Variants in RTEL1 observed in about 807,000 individuals in gnomAD.
RTEL1 encodes regulator of telomere length.
In RTEL1, 86 loss-of-function variants were observed where a neutral mutation model predicts 162.2. That is an observed-to-expected ratio of 0.53 (90% CI 0.45 to 0.63). The LOEUF is 0.63. RTEL1 is among the 30% of genes least tolerant of loss of function. RTEL1 has a pLI of 0.00. For missense variants in RTEL1, 1,941 were observed against 1,750.2 expected (o/e 1.11, Z -1.95); for synonymous variants, 958 against 717.9 (o/e 1.33, Z -5.35).
At position 63,667,508 on chromosome 20, in the gene RTEL1, A is replaced by G. The variant is rs1335062115; in HGVS notation, c.654A>G (p.Gln218=). The G allele has an allele frequency of 5.0e-6, 8 of 1,613,912 alleles. No homozygotes were observed. Among genetic ancestry groups the G allele is most frequent in the Non-Finnish European group, 6.8e-6 (8 of 1,179,942 alleles). ...ACCTGTCCCGGAACCTGAAGCAGCA[A>G]GCCGACATCATATTCATGCCGTACA... The part of the protein sequence containing the change: ...PYYLSRNLKQ[Q]ADIIFMPYNY... Residue 218 remains glutamine (Q), a synonymous_variant, in exon 8 of 35, where the codon CAA becomes CAG. Transcript: ENST00000360203.
intron 16 of RTEL1, 120 bp downstream of exon 16, chr20:63,685,992 C>T (rs1291329286): frequency 5.5e-6 from 5 of 901,560 alleles, no homozygotes; most frequent in African/African-American, 1.6e-5. Context: ...TGGCCACCTT[C>T]TCCATATCCA....
intron 10 of RTEL1, among the ~76,000 whole-genome samples, chr20:63,674,957 G>C (rs1285380459): frequency 6.6e-6 from 1 of 151,786 alleles, no homozygotes; most frequent in Non-Finnish European, 1.5e-5. Flanking sequence ...GCCCAGGCTG[G>C]AGTGCAATGG....
At position 63,687,672 on chromosome 20, in the gene RTEL1, C is replaced by T; in HGVS notation, c.1383C>T (p.Gly461=). ...TGAGCTACTGGTGCTTCAGTCCCGGCCACAGCATGCACGAGCTGGTCCGCC... is the reference window on the plus strand; with the variant it reads ...TGAGCTACTGGTGCTTCAGTCCCGGTCACAGCATGCACGAGCTGGTCCGCC... ...KVLSYWCFSP[G]HSMHELVRQG... The change falls in exon 17 of 35, where the codon GGC becomes GGT. Residue 461 remains glycine (G), a synonymous_variant. Coordinates refer to ENST00000360203, the MANE Select transcript of RTEL1 (RefSeq NM_001283009.2). 1 of 1,609,578 alleles carries T rather than the reference C, an allele frequency of 6.2e-7. No individual in the cohort carries two copies. The highest frequency in any genetic ancestry group is 8.5e-7 in the Non-Finnish European group (1 of 1,179,504).
chr20:63,685,967 C>T (rs1568704425), intron 16 of RTEL1, 95 bp downstream of exon 16: 1 of 1,227,650 alleles, frequency 8.1e-7, no homozygotes, highest in Non-Finnish European at 1.2e-6. Flanking sequence ...CGTGGATCTC[C>T]TGCCCCCATG....
chr20:63,676,866 C>T (rs544071264), intron 10 of RTEL1, among the ~76,000 whole-genome samples: 16 of 152,132 alleles, frequency 1.1e-4, no homozygotes, highest in East Asian at 3.9e-4. Context: ...ACCCAGGAGG[C>T]GGAGGTTGCA....
intron 9 of RTEL1, among the ~76,000 whole-genome samples, chr20:63,673,641 G>A (rs555682187): frequency 7.9e-5 from 12 of 152,042 alleles, no homozygotes; most frequent in Admixed American, 3.3e-4. Context: ...GTTTCCCAGC[G>A]TTGCCCAGGC....
At chr20:63,663,818 T>C (rs1324986651) in intron 6 of RTEL1, among the ~76,000 whole-genome samples, 3 of 152,172 alleles carry the variant, frequency 2.0e-5, no homozygotes, top group Non-Finnish European at 4.4e-5. Flanking sequence ...GAGTGCTCAG[T>C]GTGCCAGGAC....
Position 63,661,177 on chromosome 20 carries a change from G to A in RTEL1, c.103-121G>A, listed in dbSNP as rs1220203147. On this transcript the variant is annotated intron_variant, in intron 2 of 34. Coordinates refer to ENST00000360203, the MANE Select transcript of RTEL1 (RefSeq NM_001283009.2). The surrounding 1 kb of genome is among the most constrained non-coding windows in gnomAD (Gnocchi z 5.1). ...CGGTCCCACAGGGCTCTCGCCACCT[G>A]GCAGTGGCCTCTGCATCTGCAAAGA... The A allele has an allele frequency of 2.3e-6, 2 of 860,052 alleles. No individual in the cohort carries two copies. Among genetic ancestry groups the A allele is most frequent in the Non-Finnish European group, 3.6e-6 (2 of 555,076 alleles). 53.3% of individuals were successfully genotyped at this position (860,052 alleles called of 1,614,324 possible).
chr20:63,661,774 C>T lies in RTEL1; in HGVS notation c.302-76C>T, dbSNP rs764551622. The T allele has an allele frequency of 5.9e-5, 79 of 1,338,824 alleles. 1 individual carries two copies. The highest frequency in any genetic ancestry group is 7.7e-5 in the Non-Finnish European group (72 of 931,368). The allele number at this position is 1,338,824 out of a possible 1,614,324, so 82.9% of individuals were successfully genotyped here. On this transcript the variant is annotated intron_variant, in intron 3 of 34. Transcript: ENST00000360203. The surrounding 1 kb of genome is among the most constrained non-coding windows in gnomAD (Gnocchi z 5.1). ...TGGCTGTCTGCAGGGCCGAGTTAGC[C>T]GAATGCCACCTGCCTTTGATACGTG...
intron 26 of RTEL1, 118 bp downstream of exon 26, chr20:63,690,559 C>T: frequency 2.3e-6 from 3 of 1,313,316 alleles, no homozygotes; most frequent in South Asian, 1.5e-5. Flanking sequence ...GCTTCCCCTC[C>T]CACCTCCAAA....
At position 63,659,183 on chromosome 20, in the gene RTEL1, C is replaced by T; in HGVS notation, c.-170-50C>T. On this transcript the variant is annotated intron_variant, in intron 1 of 34. Transcript: ENST00000360203. Reference sequence around the variant, plus strand: ...TGATGGAAACGCCTGGGAAAGTAGCCCGGTACCCACAAAGGCTGTCTACAA... The same window carrying T: ...TGATGGAAACGCCTGGGAAAGTAGCTCGGTACCCACAAAGGCTGTCTACAA... The T allele has an allele frequency of 3.6e-6, 2 of 562,834 alleles. 1 individual carries two copies. Among genetic ancestry groups the T allele is most frequent in the African/African-American group, 3.7e-5 (2 of 53,428 alleles). 34.9% of individuals were successfully genotyped at this position (562,834 alleles called of 1,614,324 possible).
Position 63,695,051 on chromosome 20 carries a change from T to C in RTEL1, c.3344-15T>C. 1 of 1,611,042 alleles carries C rather than the reference T, an allele frequency of 6.2e-7. No individual in the cohort carries two copies. Among genetic ancestry groups the C allele is most frequent in the Non-Finnish European group, 8.5e-7 (1 of 1,178,870 alleles). On this transcript the variant is annotated splice_polypyrimidine_tract_variant and intron_variant, in intron 32 of 34. Coordinates refer to ENST00000360203, the MANE Select transcript of RTEL1 (RefSeq NM_001283009.2). Reference sequence around the variant, plus strand: ...AAATGGGGGCTGTGCCGGGTCTGATTGAAGCTCCCCGCAGGGTTCAGCATG... The same window carrying C: ...AAATGGGGGCTGTGCCGGGTCTGATCGAAGCTCCCCGCAGGGTTCAGCATG...
rs765231471 is a variant in RTEL1 at position 63,689,574 on chromosome 20, C to T, written c.1951C>T (p.Arg651Cys). 14 of 1,612,132 alleles carry T rather than the reference C, an allele frequency of 8.7e-6. No individual in the cohort carries two copies. Among genetic ancestry groups the T allele is most frequent in the East Asian group, 2.2e-5 (1 of 44,872 alleles). ...TGTCACGGGCCTCCCGTACCCCCCA[C>T]GCATGGACCCCCGGGTTGTCCTCAA... Reference protein sequence around the residue: ...VIVTGLPYPPRMDPRVVLKMQ... With the variant: ...VIVTGLPYPPCMDPRVVLKMQ... Residue 651 changes from arginine (R) to cysteine (C), a missense_variant, in exon 23 of 35, where the codon CGC (arginine) becomes TGC (cysteine). By Grantham distance (180) the Arg-to-Cys change is radical (BLOSUM62 -3). Coordinates refer to ENST00000360203, the MANE Select transcript of RTEL1 (RefSeq NM_001283009.2).
At chr20:63,688,413 G>A in intron 20 of RTEL1, 27 bp downstream of exon 20, 1 of 1,610,318 alleles carries the variant, frequency 6.2e-7, no homozygotes. Context: ...TTCTGGGCGG[G>A]GTGGGTGAGG....
At chr20:63,677,701 G>A (rs1422559111) in intron 10 of RTEL1, among the ~76,000 whole-genome samples, 1 of 152,090 alleles carries the variant, frequency 6.6e-6, no homozygotes, top group African/African-American at 2.4e-5. Flanking sequence ...TCCTTCGCCT[G>A]TTGGTGGATT....
Position 63,696,230 on chromosome 20 carries a change from C to T in RTEL1, c.*372C>T, listed in dbSNP as rs999527494. 4 of 322,738 alleles carry T rather than the reference C, an allele frequency of 1.2e-5. No individual in the cohort carries two copies. In the Admixed American group the frequency reaches 1.4e-4, roughly 11 times the overall value. The allele number at this position is 322,738 out of a possible 1,614,324, so 20.0% of individuals were successfully genotyped here. Reference sequence around the variant, plus strand: ...CAGGGGACAGGGCTCTCTAATAAAGCTGCTGGCAGTGCCCAGGACGGTGTC... The same window carrying T: ...CAGGGGACAGGGCTCTCTAATAAAGTTGCTGGCAGTGCCCAGGACGGTGTC... On this transcript the variant is annotated 3_prime_UTR_variant, in exon 35 of 35. Transcript: ENST00000360203.
Position 63,687,673 on chromosome 20 carries a change from C to T in RTEL1, c.1384C>T (p.His462Tyr). ...GAGCTACTGGTGCTTCAGTCCCGGC[C>T]ACAGCATGCACGAGCTGGTCCGCCA... The part of the protein sequence containing the change: ...VLSYWCFSPG[H>Y]SMHELVRQGV... The change falls in exon 17 of 35, where the codon CAC (histidine) becomes TAC (tyrosine). Residue 462 changes from histidine (H) to tyrosine (Y), a missense_variant. Coordinates refer to ENST00000360203, the MANE Select transcript of RTEL1 (RefSeq NM_001283009.2). 6.2e-7 allele frequency: 1 copy of T among 1,609,518 alleles called. No individual in the cohort carries two copies. The highest frequency in any genetic ancestry group is 8.5e-7 in the Non-Finnish European group (1 of 1,179,492).
rs2146226775 is a variant in RTEL1, at chr20:63,682,691, T to C, written c.1191+1972T>C. ...CGGTGCCCATAGGGCTGGTGCTGGG[T>C]TGGGCCTGCAGCCCTGAGTCACAGG... is the stretch of plus-strand genomic sequence containing the variant. On this transcript the variant is annotated intron_variant, in intron 14 of 34. Coordinates refer to ENST00000360203, the MANE Select transcript of RTEL1 (RefSeq NM_001283009.2). 3.0e-6 allele frequency: 3 copies of C among 985,950 alleles called. No individual in the cohort carries two copies. The African/African-American group carries it at 5.2e-5, about 17-fold the overall frequency. The allele number at this position is 985,950 out of a possible 1,614,324, so 61.1% of individuals were successfully genotyped here.
rs766112578 is a variant in RTEL1, at chr20:63,689,508, G to A, written c.1885G>A (p.Glu629Lys). 6.2e-6 allele frequency: 10 copies of A among 1,600,052 alleles called. No homozygotes were observed. The highest frequency in any genetic ancestry group is 3.4e-5 in the South Asian group (3 of 88,906). ...TCCCTGGTGTGTCCCCTAGGCCAGC[G>A]AGGGGCTGGACTTCTCAGACACGAA... ...FLAVCRGKAS[E>K]GLDFSDTNGR... The change falls in exon 23 of 35, where the codon GAG becomes AAG. Residue 629 changes from glutamate (E) to lysine (K), a missense_variant. Physicochemically the swap from Glu to Lys is moderately conservative, Grantham distance 56. Coordinates refer to ENST00000360203, the MANE Select transcript of RTEL1 (RefSeq NM_001283009.2).
Sources: allele counts gnomAD v4.1 joint callset (sites outside exome capture counted in the v4.1 genomes callset), GRCh38; gene constraint gnomAD v4.1.1; non-coding constraint Gnocchi (gnomAD v3.1); transcripts MANE v1.5; gene names NCBI Gene and HGNC (gene_info 2026-07-23, HGNC 2026-07-21).